Variants in OTUD5 observed in about 807,000 individuals in gnomAD.
The protein encoded by OTUD5 is OTU deubiquitinase 5.
In OTUD5, 2 loss-of-function variants were observed where a neutral mutation model predicts 36.3. The ratio of observed to expected loss-of-function variants is 0.06; its 90% CI spans 0.02 to 0.17. OTUD5 has a LOEUF of 0.17. Among genes scored for constraint, OTUD5 ranks in the 10% least tolerant of loss-of-function variants. The probability of loss-of-function intolerance (pLI) is 1.00; values close to 1 mark genes in which losing one functional copy is unlikely to be tolerated. For synonymous variants in OTUD5, 234 were observed against 214.9 expected (o/e 1.09, Z -0.78); for missense variants, 233 against 512.3 (o/e 0.45, Z 5.26).
At chrX:48,948,680 C>T (rs1008180599) in intron 1 of OTUD5, among the ~76,000 whole-genome samples, 1 of 109,425 alleles carries the variant, frequency 9.1e-6, no homozygotes, top group African/African-American at 3.3e-5. Context: ...TCTGGCCCTT[C>T]TCTTTCTCCT....
intron 1 of OTUD5, among the ~76,000 whole-genome samples, chrX:48,954,803 GGA>G (rs1342506670): frequency 8.9e-6 from 1 of 112,241 alleles, no homozygotes; most frequent in African/African-American, 3.2e-5. Flanking sequence ...GCTAGGTCAG[GGA>G]GAGACTCGGA....
intron 1 of OTUD5, among the ~76,000 whole-genome samples, chrX:48,956,011 G>A (rs1015550040): frequency 1.8e-5 from 2 of 111,213 alleles, no homozygotes; most frequent in Admixed American, 9.5e-5. Context: ...AGGATCCAAC[G>A]CTGTGAGTCT....
At chrX:48,949,886 T>C (rs2060625593) in intron 1 of OTUD5, among the ~76,000 whole-genome samples, 1 of 108,354 alleles carries the variant, frequency 9.2e-6, no homozygotes, top group Middle Eastern at 4.6e-3. Flanking sequence ...CAGTGGCTCA[T>C]GCCTGTAATC....
chrX:48,956,261 A>G (rs1174119958), intron 1 of OTUD5, among the ~76,000 whole-genome samples: 1 of 110,947 alleles, frequency 9.0e-6, no homozygotes, highest in Admixed American at 9.5e-5. Context: ...TCCCTGTGAA[A>G]AGTCTTACAT....
At chrX:48,932,361 G>A (rs183767337) in intron 5 of OTUD5, among the ~76,000 whole-genome samples, 8 of 109,677 alleles carry the variant, frequency 7.3e-5, no homozygotes, top group African/African-American at 9.9e-5. Context: ...GTCTCGCTCC[G>A]TCACCCAGGC....
intron 2 of OTUD5, chrX:48,939,954 G>A (rs781806893): frequency 3.5e-5 from 4 of 113,796 alleles, no homozygotes; most frequent in Non-Finnish European, 5.6e-5. Flanking sequence ...GTGTCTACAG[G>A]GAACCTAAAA....
intron 1 of OTUD5, among the ~76,000 whole-genome samples, chrX:48,950,337 G>A (rs2064114122): frequency 9.1e-6 from 1 of 109,691 alleles, no homozygotes; most frequent in African/African-American, 3.3e-5. Context: ...GAAGGCGATG[G>A]TGAAGATGGA....
intron 5 of OTUD5, 106 bp from the exon 6 acceptor site, chrX:48,926,156 G>A: frequency 1.7e-6 from 1 of 577,350 alleles, no homozygotes; most frequent in Non-Finnish European, 2.8e-6. Context: ...AAAAAAAGGA[G>A]ACAGGAAAGC....
chrX:48,922,668 A>T lies in OTUD5; in HGVS notation c.*506T>A, dbSNP rs1557046521. 1 of 753,120 alleles carries T rather than the reference A, an allele frequency of 1.3e-6. No individual in the cohort carries two copies. The highest frequency in any genetic ancestry group is 2.3e-5 in the African/African-American group (1 of 43,262). 62.1% of individuals were successfully genotyped at this position (753,120 alleles called of 1,213,427 possible). ...ATAAAAGTAATTTTAATAAAGAAAAAATTCAACATTGAAGGCTCAGACGTT... is the reference window on the plus strand; with the variant it reads ...ATAAAAGTAATTTTAATAAAGAAAATATTCAACATTGAAGGCTCAGACGTT... On this transcript the variant is annotated 3_prime_UTR_variant, in exon 9 of 9. Transcript: ENST00000376488.
intron 6 of OTUD5, among the ~76,000 whole-genome samples, chrX:48,925,297 A>C (rs1045982901): frequency 5.6e-5 from 6 of 107,493 alleles, no homozygotes; most frequent in South Asian, 4.0e-4. Context: ...AAAAAAAAAA[A>C]AACTCAGCTC....
chrX:48,927,411 G>A (rs2063684032), intron 5 of OTUD5, among the ~76,000 whole-genome samples: 1 of 111,639 alleles, frequency 9.0e-6, no homozygotes, highest in Non-Finnish European at 1.9e-5. Context: ...AACCCCCTTC[G>A]AACACCAGTC....
intron 5 of OTUD5, 102 bp downstream of exon 5, chrX:48,934,362 G>A (rs1366786563): frequency 6.5e-6 from 4 of 617,724 alleles, no homozygotes; most frequent in African/African-American, 4.8e-5. Flanking sequence ...TCAGGGGAGA[G>A]AGGAGACAGG....
chrX:48,938,681 C>A lies in OTUD5; in HGVS notation c.689-3663G>T, dbSNP rs781853559. Among the ~76,000 whole-genome samples, 5 of 107,599 alleles carry A rather than the reference C, an allele frequency of 4.6e-5. No homozygotes were observed. In the South Asian group the frequency reaches 2.0e-3, roughly 43 times the overall value. The allele number at this position is 107,599 out of a possible 115,157, so 93.4% of individuals were successfully genotyped here. A position where few individuals can be genotyped will look rare whatever the true frequency, so the allele number is the denominator to read the frequency against. On this transcript the variant is annotated intron_variant, in intron 2 of 8. Transcript: ENST00000376488. ...TGCACTACAGCCTAGGCAACAAGAGCGAAACTCTGTCTCAAAAAAAAAAAA... is the reference window on the plus strand; with the variant it reads ...TGCACTACAGCCTAGGCAACAAGAGAGAAACTCTGTCTCAAAAAAAAAAAA...
At chrX:48,940,191 C>T (rs1397930537) in intron 2 of OTUD5, 1 of 114,072 alleles carries the variant, frequency 8.8e-6, no homozygotes, top group Non-Finnish European at 1.9e-5. Flanking sequence ...AGAGACAGAA[C>T]TCATCCCACT....
At chrX:48,951,342 T>C (rs373037787) in intron 1 of OTUD5, among the ~76,000 whole-genome samples, 151 of 112,063 alleles carry the variant, frequency 1.3e-3, no homozygotes, top group African/African-American at 3.4e-3. Flanking sequence ...GGGCCAGGCG[T>C]GGTGGCTCAC....
chrX:48,944,936 C>T (rs1482500381), intron 1 of OTUD5, among the ~76,000 whole-genome samples: 2 of 109,795 alleles, frequency 1.8e-5, no homozygotes, highest in South Asian at 7.8e-4. Context: ...GCAGGAGAAT[C>T]GTTCGAACCC....
At chrX:48,945,335 A>G in intron 1 of OTUD5, among the ~76,000 whole-genome samples, 1 of 93,035 alleles carries the variant, frequency 1.1e-5, no homozygotes, top group Non-Finnish European at 2.0e-5. Flanking sequence ...CAGTGGCACT[A>G]TCTCGGCTCA....
At chrX:48,956,840 C>G in intron 1 of OTUD5, 137 bp downstream of exon 1, 1 of 673,417 alleles carries the variant, frequency 1.5e-6, no homozygotes, top group Non-Finnish European at 2.1e-6. Flanking sequence ...CACATCCCTA[C>G]CGCCAGAGAA....
At chrX:48,956,677 T>C (rs782497277) in intron 1 of OTUD5, among the ~76,000 whole-genome samples, 17 of 111,225 alleles carry the variant, frequency 1.5e-4, no homozygotes, top group Non-Finnish European at 2.8e-4. Context: ...CCTGTATCTC[T>C]TGGAGAATTC....
Sources: allele counts gnomAD v4.1 joint callset (sites outside exome capture counted in the v4.1 genomes callset), GRCh38; gene constraint gnomAD v4.1.1; transcripts MANE v1.5; gene names NCBI Gene and HGNC (gene_info 2026-07-23, HGNC 2026-07-21).